Variants in GNAT3 observed in about 807,000 individuals in gnomAD.
The protein encoded by GNAT3 is guanine nucleotide-binding protein G(t) subunit alpha-3.
A neutral mutation model predicts 37.7 loss-of-function variants in GNAT3; 31 were observed. The ratio of observed to expected loss-of-function variants is 0.82; its 90% CI spans 0.62 to 1.11. The LOEUF is 1.11. Ranked by LOEUF, GNAT3 falls within the 50% of genes most tolerant of loss-of-function variation. The pLI is 0.00. For missense variants in GNAT3, 437 were observed against 412.5 expected (o/e 1.06, Z -0.51); for synonymous variants, 138 against 139.8 (o/e 0.99, Z 0.09).
At chr7:80,503,525 A>G (rs1416383693) in intron 1 of GNAT3, among the ~76,000 whole-genome samples, 2 of 152,230 alleles carry the variant, frequency 1.3e-5, no homozygotes, top group African/African-American at 4.8e-5. Flanking sequence ...AAGCAATAAC[A>G]GAAGCAGTAA....
intron 2 of GNAT3, among the ~76,000 whole-genome samples, chr7:80,493,036 A>C (rs535991737): frequency 6.6e-6 from 1 of 151,746 alleles, no homozygotes; most frequent in Non-Finnish European, 1.5e-5. Flanking sequence ...GCCTTTATAT[A>C]CTAGTCACCA....
intron 3 of GNAT3, among the ~76,000 whole-genome samples, chr7:80,480,314 AT>A (rs575225831): frequency 1.1e-4 from 16 of 152,156 alleles, no homozygotes; most frequent in Non-Finnish European, 1.8e-4. Context: ...TATTTTCTCC[AT>A]TTTACATGTG....
chr7:80,501,917 A>T (rs1235592571), intron 1 of GNAT3, among the ~76,000 whole-genome samples: 1 of 152,022 alleles, frequency 6.6e-6, no homozygotes, highest in Non-Finnish European at 1.5e-5. Flanking sequence ...TCATCAGCCA[A>T]ACTAAGTATG....
At chr7:80,499,373 G>C (rs889996720) in intron 1 of GNAT3, among the ~76,000 whole-genome samples, 12 of 152,072 alleles carry the variant, frequency 7.9e-5, no homozygotes, top group African/African-American at 2.2e-4. Flanking sequence ...ATTAGTATGA[G>C]AGCGGTGTAC....
Position 80,494,656 on chromosome 7 carries a change from TA to T in GNAT3, c.119-10del. 4.7e-6 allele frequency: 7 copies of T among 1,480,238 alleles called. No individual in the cohort carries two copies. Among genetic ancestry groups the T allele is most frequent in the Non-Finnish European group, 6.5e-6 (7 of 1,073,546 alleles). The allele number at this position is 1,480,238 out of a possible 1,614,324, so 91.7% of individuals were successfully genotyped here. Reference sequence around the variant, plus strand: ...CCCAGATTCTCCTGCTCCTGCAACATAAAAAGAGGAATATTATTAACTGATA... The same window carrying T: ...CCCAGATTCTCCTGCTCCTGCAACATAAAAGAGGAATATTATTAACTGATA... On this transcript the variant is annotated splice_polypyrimidine_tract_variant and intron_variant, in intron 1 of 7. Transcript: ENST00000398291.
chr7:80,496,453 C>T (rs1033667496), intron 1 of GNAT3, among the ~76,000 whole-genome samples: 5 of 152,072 alleles, frequency 3.3e-5, no homozygotes, highest in Non-Finnish European at 1.5e-5. Context: ...ATTTCTAATT[C>T]GACTCTCACC....
chr7:80,486,279 A>G (rs1266519016), intron 3 of GNAT3, among the ~76,000 whole-genome samples: 1 of 152,146 alleles, frequency 6.6e-6, no homozygotes, highest in African/African-American at 2.4e-5. Context: ...AGTTATGACA[A>G]TGGCTAAGTG....
At position 80,462,977 on chromosome 7, in the gene GNAT3, C is replaced by T. The variant is rs182128008; in HGVS notation, c.591-346G>A. On this transcript the variant is annotated intron_variant, in intron 5 of 7. Coordinates refer to ENST00000398291, the MANE Select transcript of GNAT3 (RefSeq NM_001102386.3). ...ACATATTCTCTTGAATGAAAAGAAA[C>T]TGCAAGAAGATTGGAAGTTACTGTA... is the stretch of plus-strand genomic sequence containing the variant. Among the ~76,000 whole-genome samples, 15 of 152,178 alleles carry T rather than the reference C, an allele frequency of 9.9e-5. No homozygotes were observed. The East Asian group carries it at 1.4e-3, about 14-fold the overall frequency.
intron 2 of GNAT3, among the ~76,000 whole-genome samples, chr7:80,493,611 C>T (rs772837104): frequency 5.1e-5 from 6 of 117,822 alleles, no homozygotes; most frequent in African/African-American, 1.2e-4. Flanking sequence ...TTTCCTCCTC[C>T]TCCTCTTTCC....
chr7:80,477,211 A>G (rs1790318948), intron 4 of GNAT3, among the ~76,000 whole-genome samples: 1 of 152,150 alleles, frequency 6.6e-6, no homozygotes, highest in South Asian at 2.1e-4. Context: ...TGGTTTGTAC[A>G]AGACTAAATA....
chr7:80,458,805 T>C lies in GNAT3; in HGVS notation c.931A>G (p.Asn311Asp). 1 of 1,597,106 alleles carries C rather than the reference T, an allele frequency of 6.3e-7. No homozygotes were observed. The highest frequency in any genetic ancestry group is 1.1e-5 in the South Asian group (1 of 87,290). ...NYIKNQFLDLNLKKEDKEIYS... is the reference protein window; with the variant it reads ...NYIKNQFLDLDLKKEDKEIYS... ...ATTTCCTTATCTTCTTTTTTTAAAT[T>C]CAGGTCTAGAAACTGGTTCTTGATG... is the stretch of plus-strand genomic sequence containing the variant. The change falls in exon 8 of 8, where the codon AAT becomes GAT. Residue 311 changes from asparagine (N) to aspartate (D), a missense_variant. Transcript: ENST00000398291.
At chr7:80,496,161 C>T (rs1006139421) in intron 1 of GNAT3, among the ~76,000 whole-genome samples, 23 of 152,116 alleles carry the variant, frequency 1.5e-4, no homozygotes, top group African/African-American at 5.6e-4. Flanking sequence ...GATGGAATCT[C>T]GCTCTGTCAC....
intron 1 of GNAT3, among the ~76,000 whole-genome samples, chr7:80,498,064 A>G (rs1790767579): frequency 1.3e-5 from 2 of 152,126 alleles, no homozygotes; most frequent in African/African-American, 2.4e-5. Context: ...ACCGAATTTT[A>G]TTTTATTCAC....
chr7:80,470,980 G>C (rs1790204506), intron 5 of GNAT3, among the ~76,000 whole-genome samples: 1 of 150,906 alleles, frequency 6.6e-6, no homozygotes, highest in Admixed American at 6.6e-5. Flanking sequence ...GGGAAAGGCA[G>C]ACCCACCCTT....
intron 5 of GNAT3, among the ~76,000 whole-genome samples, chr7:80,468,335 ATAATC>A (rs1790157504): frequency 1.3e-5 from 2 of 152,134 alleles, no homozygotes. Flanking sequence ...AAATTATTAT[ATAATC>A]TAGAGTAGCT....
chr7:80,482,753 G>A (rs1392214031), intron 3 of GNAT3, among the ~76,000 whole-genome samples: 5 of 144,188 alleles, frequency 3.5e-5, no homozygotes, highest in South Asian at 2.2e-4. Context: ...GGATGGTCTC[G>A]ATCTCTTGAC....
At chr7:80,508,483 G>A (rs1032448494) in intron 1 of GNAT3, among the ~76,000 whole-genome samples, 7 of 151,932 alleles carry the variant, frequency 4.6e-5, no homozygotes, top group Non-Finnish European at 1.0e-4. Flanking sequence ...TATTTTATCC[G>A]TTAGAATTTG....
intron 1 of GNAT3, among the ~76,000 whole-genome samples, chr7:80,508,935 T>G (rs1041301579): frequency 6.6e-6 from 1 of 152,080 alleles, no homozygotes; most frequent in African/African-American, 2.4e-5. Flanking sequence ...ATTTCTTATT[T>G]TTGTAAATGT....
At chr7:80,466,142 A>G (rs1222211804) in intron 5 of GNAT3, among the ~76,000 whole-genome samples, 1 of 152,084 alleles carries the variant, frequency 6.6e-6, no homozygotes, top group Non-Finnish European at 1.5e-5. Context: ...CCAGTCATGG[A>G]GCCAAGACAA....
Sources: allele counts gnomAD v4.1 joint callset (sites outside exome capture counted in the v4.1 genomes callset), GRCh38; gene constraint gnomAD v4.1.1; transcripts MANE v1.5; gene names NCBI Gene and HGNC (gene_info 2026-07-23, HGNC 2026-07-21).